Variants in CAV1 observed in about 807,000 individuals in gnomAD.
The protein encoded by CAV1 is caveolin 1.
A neutral mutation model predicts 16.5 loss-of-function variants in CAV1; 10 were observed. The ratio of observed to expected loss-of-function variants is 0.61; its 90% CI spans 0.37 to 1.03. The LOEUF is 1.03. CAV1 is among the 50% of genes least tolerant of loss of function. The pLI is 0.01. For synonymous variants in CAV1, 76 were observed against 85.1 expected (o/e 0.89, Z 0.59); for missense variants, 212 against 232.8 (o/e 0.91, Z 0.58).
chr7:116,525,343 T>C (rs761813846), intron 1 of CAV1: 208 of 1,544,846 alleles, frequency 1.3e-4, no homozygotes, highest in Non-Finnish European at 1.7e-4. Context: ...GAAAAGGGGA[T>C]TGGGGTCCTG....
At chr7:116,551,604 T>A (rs1444739858) in intron 2 of CAV1, among the ~76,000 whole-genome samples, 1 of 152,206 alleles carries the variant, frequency 6.6e-6, no homozygotes, top group African/African-American at 2.4e-5. Flanking sequence ...GAAATCATCA[T>A]CAGAAGTGGT....
At chr7:116,548,475 C>T (rs911026977) in intron 2 of CAV1, among the ~76,000 whole-genome samples, 3 of 152,208 alleles carry the variant, frequency 2.0e-5, no homozygotes, top group African/African-American at 7.2e-5. Flanking sequence ...GCTATATCCT[C>T]TTGCTTGGAT....
At chr7:116,555,542 G>GAGAAAGAA (rs1225761657) in intron 2 of CAV1, among the ~76,000 whole-genome samples, 124 of 12,136 alleles carry the variant, frequency 0.01, 17 homozygotes, top group Middle Eastern at 0.067. Context: ...GAGAGAGAGA[G>GAGAAAGAA]AGAAAGAAAG....
At chr7:116,529,473 A>G (rs926332937) in intron 2 of CAV1, among the ~76,000 whole-genome samples, 1 of 152,224 alleles carries the variant, frequency 6.6e-6, no homozygotes, top group African/African-American at 2.4e-5. Context: ...TGGCACAGAC[A>G]TAGAACATTT....
intron 2 of CAV1, among the ~76,000 whole-genome samples, chr7:116,555,484 A>G (rs1368880299): frequency 0.051 from 300 of 5,852 alleles, 48 homozygotes; most frequent in Middle Eastern, 0.19. Flanking sequence ...AGGAGGAAAG[A>G]AAAGAAAGAA....
chr7:116,556,275 T>C (rs1308449285), intron 2 of CAV1, among the ~76,000 whole-genome samples: 1 of 152,238 alleles, frequency 6.6e-6, no homozygotes, highest in Non-Finnish European at 1.5e-5. Context: ...TAAGGACCAA[T>C]TGTGTATATG....
chr7:116,553,104 G>A (rs1275002766), intron 2 of CAV1, among the ~76,000 whole-genome samples: 2 of 152,086 alleles, frequency 1.3e-5, no homozygotes, highest in Non-Finnish European at 2.9e-5. Context: ...AATCCCAAAT[G>A]TACTTAAGGT....
At chr7:116,539,335 G>A (rs549481526) in intron 2 of CAV1, among the ~76,000 whole-genome samples, 17 of 152,172 alleles carry the variant, frequency 1.1e-4, no homozygotes, top group Admixed American at 6.5e-4. Context: ...CCTTCAAGCA[G>A]AGCAATGGCA....
At chr7:116,529,007 T>G (rs1307025475) in intron 2 of CAV1, among the ~76,000 whole-genome samples, 2 of 152,044 alleles carry the variant, frequency 1.3e-5, no homozygotes, top group Non-Finnish European at 2.9e-5. Flanking sequence ...TATTTGTATT[T>G]TTAGTGGAGA....
intron 2 of CAV1, among the ~76,000 whole-genome samples, chr7:116,555,221 C>G (rs1365592623): frequency 6.6e-6 from 1 of 151,870 alleles, no homozygotes; most frequent in Non-Finnish European, 1.5e-5. Flanking sequence ...GGCAGGAGAA[C>G]TGCTTGAGCT....
At chr7:116,533,395 A>C (rs1793726760) in intron 2 of CAV1, among the ~76,000 whole-genome samples, 1 of 150,630 alleles carries the variant, frequency 6.6e-6, no homozygotes, top group Non-Finnish European at 1.5e-5. Flanking sequence ...AATAAAATAA[A>C]ATAAAATAAA....
intron 2 of CAV1, among the ~76,000 whole-genome samples, chr7:116,534,395 A>ATATTTTTTTTTT (rs1442237865): frequency 1.3e-4 from 1 of 7,840 alleles, no homozygotes; most frequent in Admixed American, 2.3e-3. Flanking sequence ...ATATATATAT[A>ATATTTTTTTTTT]TTTTTTTTTT....
intron 2 of CAV1, among the ~76,000 whole-genome samples, chr7:116,535,877 C>A (rs919603658): frequency 6.6e-6 from 1 of 152,128 alleles, no homozygotes; most frequent in South Asian, 2.1e-4. Flanking sequence ...CCATTAAGAA[C>A]CAGACGCTTT....
At chr7:116,556,906 A>G (rs1794305189) in intron 2 of CAV1, among the ~76,000 whole-genome samples, 1 of 152,206 alleles carries the variant, frequency 6.6e-6, no homozygotes, top group Non-Finnish European at 1.5e-5. Flanking sequence ...CAAAACAAAG[A>G]CATCTTTAAA....
intron 2 of CAV1, among the ~76,000 whole-genome samples, chr7:116,532,157 G>A (rs1793698646): frequency 6.6e-6 from 1 of 152,186 alleles, no homozygotes; most frequent in Non-Finnish European, 1.5e-5. Context: ...GCTTCATGAT[G>A]TGGGATATTC....
At chr7:116,534,513 C>T (rs559468261) in intron 2 of CAV1, among the ~76,000 whole-genome samples, 90 of 146,602 alleles carry the variant, frequency 6.1e-4, no homozygotes, top group African/African-American at 2.2e-3. Flanking sequence ...CATTCTCCTG[C>T]CTCAGCCTCC....
intron 2 of CAV1, among the ~76,000 whole-genome samples, chr7:116,530,134 G>A (rs1793654610): frequency 6.7e-6 from 1 of 148,930 alleles, no homozygotes; most frequent in Non-Finnish European, 1.5e-5. Flanking sequence ...CAGGTAAAAA[G>A]TGTTTTTAAA....
chr7:116,546,833 A>G (rs1794062384), intron 2 of CAV1, among the ~76,000 whole-genome samples: 1 of 152,144 alleles, frequency 6.6e-6, no homozygotes, highest in Non-Finnish European at 1.5e-5. Flanking sequence ...AAAAAGTATC[A>G]CAAGCTGGAT....
chr7:116,550,701 T>A (rs1168097342), intron 2 of CAV1, among the ~76,000 whole-genome samples: 1 of 152,220 alleles, frequency 6.6e-6, no homozygotes, highest in Non-Finnish European at 1.5e-5. Flanking sequence ...GAGTTTGAAA[T>A]TGGTCTAAAC....
Sources: allele counts gnomAD v4.1 joint callset (sites outside exome capture counted in the v4.1 genomes callset), GRCh38; gene constraint gnomAD v4.1.1; transcripts MANE v1.5; gene names NCBI Gene and HGNC (gene_info 2026-07-23, HGNC 2026-07-21).